The following KCNMB4 variants were observed in gnomAD, a reference collection of about 807,000 sequenced individuals.
KCNMB4 encodes calcium-activated potassium channel subunit beta-4.
Under a neutral mutation model 20.7 loss-of-function variants are expected in KCNMB4, and 3 were observed. The ratio of observed to expected loss-of-function variants is 0.14; its 90% CI spans 0.07 to 0.37. KCNMB4 has a LOEUF of 0.37. Among genes scored for constraint, KCNMB4 ranks in the 10% least tolerant of loss-of-function variants. The pLI, the probability that KCNMB4 is intolerant of heterozygous loss-of-function variation, is 1.00. For missense variants in KCNMB4, 168 were observed against 265.9 expected, an observed-to-expected ratio of 0.63 and a Z score of 2.56; for synonymous variants, 110 against 113.4, an observed-to-expected ratio of 0.97 and a Z score of 0.19.
chr12:70,385,318 G>C (rs936165595), intron 1 of KCNMB4, among the ~76,000 whole-genome samples: 6 of 152,140 alleles, frequency 3.9e-5, no homozygotes, highest in Non-Finnish European at 7.3e-5. Context: ...CAGTGTTGTG[G>C]TGGGGTGCAT....
rs557448789 is a variant in KCNMB4 at position 70,399,071 on chromosome 12, A to C, written c.337-1138A>C. 1.1e-4 allele frequency among the ~76,000 whole-genome samples: 16 copies of C among 152,346 alleles called. No homozygotes were observed. In the South Asian group the frequency reaches 3.3e-3, roughly 32 times the overall value. ...CGTGGCAGATTTGGAGAGCAAGTACATCCATATGGCTGCATCCCAGAATTA... is the reference window on the plus strand; with the variant it reads ...CGTGGCAGATTTGGAGAGCAAGTACCTCCATATGGCTGCATCCCAGAATTA... On this transcript the variant is annotated intron_variant, in intron 1 of 2. Transcript: ENST00000258111.
At position 70,414,093 on chromosome 12, in the gene KCNMB4, G is replaced by A. The variant is rs575775783; in HGVS notation, c.464+13757G>A. 1.1e-4 allele frequency among the ~76,000 whole-genome samples: 17 copies of A among 152,174 alleles called. No individual in the cohort carries two copies. The South Asian group carries it at 2.7e-3, about 24-fold the overall frequency. ...CCAAAAATACAAAAATTAGCCAGGCGTGGTGGTGCATGCCTGTAATCCCAG... is the reference window on the plus strand; with the variant it reads ...CCAAAAATACAAAAATTAGCCAGGCATGGTGGTGCATGCCTGTAATCCCAG... On this transcript the variant is annotated intron_variant, in intron 2 of 2. Coordinates refer to ENST00000258111, the MANE Select transcript of KCNMB4 (RefSeq NM_014505.6).
At chr12:70,388,571 G>T (rs1323843131) in intron 1 of KCNMB4, among the ~76,000 whole-genome samples, 1 of 152,090 alleles carries the variant, frequency 6.6e-6, no homozygotes, top group Non-Finnish European at 1.5e-5. Flanking sequence ...GGGGTGAGAT[G>T]ATATCTCATT....
intron 1 of KCNMB4, among the ~76,000 whole-genome samples, chr12:70,393,182 T>C (rs1868315220): frequency 6.6e-6 from 1 of 151,988 alleles, no homozygotes; most frequent in Admixed American, 6.6e-5. Flanking sequence ...GCAAAGACTG[T>C]GTGTTTTTAT....
Position 70,433,495 on chromosome 12 carries a change from T to G in KCNMB4, c.*2842T>G, listed in dbSNP as rs2136147233. Reference sequence around the variant, plus strand: ...TTTCCTTTTTAGGAAATTACAGCCATCACTTCTGCCCACCGTCCATTCATG... The same window carrying G: ...TTTCCTTTTTAGGAAATTACAGCCAGCACTTCTGCCCACCGTCCATTCATG... On this transcript the variant is annotated 3_prime_UTR_variant, in exon 3 of 3. Coordinates refer to ENST00000258111, the MANE Select transcript of KCNMB4 (RefSeq NM_014505.6). 6.6e-6 allele frequency: 1 copy of G among 152,320 alleles called. No homozygotes were observed. The highest frequency in any genetic ancestry group is 2.1e-4 in the South Asian group (1 of 4,824). 9.4% of individuals were successfully genotyped at this position (152,320 alleles called of 1,614,324 possible). A position where few individuals can be genotyped will look rare whatever the true frequency, so the allele number is the denominator to read the frequency against.
intron 2 of KCNMB4, among the ~76,000 whole-genome samples, chr12:70,424,877 T>A (rs974510005): frequency 6.6e-6 from 1 of 152,188 alleles, no homozygotes; most frequent in Non-Finnish European, 1.5e-5. Context: ...ACAAGCACGC[T>A]CTGCTGCTCT....
At chr12:70,417,906 C>G (rs1449134356) in intron 2 of KCNMB4, among the ~76,000 whole-genome samples, 2 of 152,184 alleles carry the variant, frequency 1.3e-5, no homozygotes, top group African/African-American at 2.4e-5. Flanking sequence ...ACTGAGACCA[C>G]CGACCATTCT....
intron 1 of KCNMB4, among the ~76,000 whole-genome samples, chr12:70,371,677 G>C (rs1448870332): frequency 6.6e-6 from 1 of 152,112 alleles, no homozygotes; most frequent in African/African-American, 2.4e-5. Flanking sequence ...TCCTTTTTCA[G>C]CATCTATTAT....
Position 70,430,912 on chromosome 12 carries a change from GA to G in KCNMB4, c.*261del, listed in dbSNP as rs1869347795. 2.9e-6 allele frequency: 1 copy of G among 349,302 alleles called. No individual in the cohort carries two copies. The highest frequency in any genetic ancestry group is 4.9e-5 in the Admixed American group (1 of 20,388). 21.6% of individuals were successfully genotyped at this position (349,302 alleles called of 1,614,324 possible). On this transcript the variant is annotated 3_prime_UTR_variant, in exon 3 of 3. Coordinates refer to ENST00000258111, the MANE Select transcript of KCNMB4 (RefSeq NM_014505.6). ...GTAACTATTTCAGAAAACCCTATAA[GA>G]AGTTCATTTTCTTTCAAAAGTAACA...
At chr12:70,419,590 A>G (rs1340785429) in intron 2 of KCNMB4, among the ~76,000 whole-genome samples, 1 of 152,204 alleles carries the variant, frequency 6.6e-6, no homozygotes, top group Non-Finnish European at 1.5e-5. Flanking sequence ...TAGTTAATGA[A>G]CAAAAACTTT....
intron 2 of KCNMB4, among the ~76,000 whole-genome samples, chr12:70,406,714 C>T (rs1343753789): frequency 3.3e-5 from 5 of 152,044 alleles, no homozygotes; most frequent in African/African-American, 4.8e-5. Flanking sequence ...TGTTGATGAA[C>T]GTCCTCTCAC....
At chr12:70,372,293 G>A (rs1883609985) in intron 1 of KCNMB4, among the ~76,000 whole-genome samples, 2 of 152,182 alleles carry the variant, frequency 1.3e-5, no homozygotes, top group Admixed American at 6.5e-5. Flanking sequence ...GTGACATTAA[G>A]CGGGGCTGAA....
intron 1 of KCNMB4, among the ~76,000 whole-genome samples, chr12:70,384,872 TCAA>T (rs1271576122): frequency 2.5e-5 from 1 of 39,456 alleles, no homozygotes; most frequent in Admixed American, 3.9e-4. Context: ...AGACCCTGTC[TCAA>T]AAAAAAAAAA....
intron 1 of KCNMB4, among the ~76,000 whole-genome samples, chr12:70,378,573 G>A (rs1883728464): frequency 6.6e-6 from 1 of 152,016 alleles, no homozygotes; most frequent in African/African-American, 2.4e-5. Context: ...GTCTCGCTGT[G>A]CCACCCAGGC....
intron 2 of KCNMB4, among the ~76,000 whole-genome samples, chr12:70,411,373 A>T (rs1868770724): frequency 2.0e-5 from 3 of 152,182 alleles, no homozygotes; most frequent in African/African-American, 7.2e-5. Flanking sequence ...ATTTGGTTCA[A>T]CCTACTCTCC....
intron 2 of KCNMB4, among the ~76,000 whole-genome samples, chr12:70,429,963 A>G (rs1869316264): frequency 6.6e-6 from 1 of 152,176 alleles, no homozygotes; most frequent in African/African-American, 2.4e-5. Flanking sequence ...TGTAGCTTAC[A>G]TAGTGAAGCT....
chr12:70,393,727 A>G (rs748950635), intron 1 of KCNMB4, among the ~76,000 whole-genome samples: 2 of 152,206 alleles, frequency 1.3e-5, no homozygotes, highest in Non-Finnish European at 2.9e-5. Flanking sequence ...TCTGGGAGGT[A>G]GTGAGCAACT....
intron 1 of KCNMB4, among the ~76,000 whole-genome samples, chr12:70,396,866 C>A (rs776694769): frequency 6.6e-6 from 1 of 152,110 alleles, no homozygotes; most frequent in Non-Finnish European, 1.5e-5. Flanking sequence ...ACTGGATTCT[C>A]GAGTTCTTTT....
At chr12:70,402,942 A>G (rs1222882052) in intron 2 of KCNMB4, among the ~76,000 whole-genome samples, 2 of 151,952 alleles carry the variant, frequency 1.3e-5, no homozygotes, top group Non-Finnish European at 2.9e-5. Context: ...CCCACAGGCA[A>G]CCTCCCTTCA....
Sources: allele counts gnomAD v4.1 joint callset (sites outside exome capture counted in the v4.1 genomes callset), GRCh38; gene constraint gnomAD v4.1.1; transcripts MANE v1.5; gene names NCBI Gene and HGNC (gene_info 2026-07-23, HGNC 2026-07-21).